The following RNF7 variants were observed in gnomAD, a reference collection of about 807,000 sequenced individuals.
RNF7 encodes ring finger protein 7.
RNF7 carries 9 observed loss-of-function variants against 17.0 expected under a neutral mutation model. That is an observed-to-expected ratio of 0.53 (90% CI 0.32 to 0.92). The LOEUF (loss-of-function observed/expected upper bound fraction) is 0.92, where lower values mean the gene tolerates loss of function less well. Among genes scored for constraint, RNF7 ranks in the 40% least tolerant of loss-of-function variants. The pLI is 0.04. For synonymous variants in RNF7, 59 were observed against 50.5 expected, an observed-to-expected ratio of 1.17 and a Z score of -0.72; for missense variants, 87 against 145.8, an observed-to-expected ratio of 0.60 and a Z score of 2.08.
At chr3:141,745,117 A>G (rs770363603) in intron 2 of RNF7, 42 bp from the exon 3 acceptor site, 3 of 1,317,654 alleles carry the variant, frequency 2.3e-6, no homozygotes, top group Non-Finnish European at 3.2e-6. Context: ...CAGTGTTTAA[A>G]TTGAAATATG....
chr3:141,738,608 G>A, intron 1 of RNF7, 92 bp downstream of exon 1: 1 of 1,339,384 alleles, frequency 7.5e-7, no homozygotes, highest in Non-Finnish European at 1.0e-6. Flanking sequence ...AGAAGCCTCG[G>A]AAAGTGCCCT....
At chr3:141,741,759 C>T (rs2084419415) in intron 1 of RNF7, among the ~76,000 whole-genome samples, 2 of 151,890 alleles carry the variant, frequency 1.3e-5, no homozygotes, top group South Asian at 4.2e-4. Flanking sequence ...ACACCTACTC[C>T]ACTATATTAG....
intron 1 of RNF7, among the ~76,000 whole-genome samples, chr3:141,739,239 C>T (rs927837345): frequency 6.6e-6 from 1 of 152,176 alleles, no homozygotes; most frequent in East Asian, 1.9e-4. Context: ...ACTTCACCTC[C>T]ATCACACCCC....
rs1340130033 is a variant in RNF7, at chr3:141,742,938, T to A, written c.176-571T>A. The A allele has an allele frequency of 3.9e-6, 4 of 1,023,888 alleles. No homozygotes were observed. In the East Asian group the frequency reaches 3.1e-4, roughly 80 times the overall value. The allele number at this position is 1,023,888 out of a possible 1,614,324, so 63.4% of individuals were successfully genotyped here. ...TATGGATGACTTTAAAAAACTTGTT[T>A]ATGAAGCAATTTTTTAATTTAATTT... On this transcript the variant is annotated intron_variant, in intron 1 of 2. Transcript: ENST00000273480.
Position 141,742,850 on chromosome 3 carries a change from T to G in RNF7, c.176-659T>G, listed in dbSNP as rs147146084. ...ATTTTAGAGGAACTCTCAAGTGTCT[T>G]AGGGTAGAAAGTAAAAAGTTGCTTC... On this transcript the variant is annotated intron_variant, in intron 1 of 2. Coordinates refer to ENST00000273480, the MANE Select transcript of RNF7 (RefSeq NM_014245.5). The G allele has an allele frequency of 7.9e-6, 9 of 1,133,124 alleles. No homozygotes were observed. In the African/African-American group the frequency reaches 1.5e-4, roughly 19 times the overall value. The allele number at this position is 1,133,124 out of a possible 1,614,324, so 70.2% of individuals were successfully genotyped here. A position where few individuals can be genotyped will look rare whatever the true frequency, so the allele number is the denominator to read the frequency against.
rs1053091675 is a variant in RNF7, at chr3:141,745,893, C to G, written c.*616C>G. 6.6e-6 allele frequency: 1 copy of G among 152,024 alleles called. No individual in the cohort carries two copies. Among genetic ancestry groups the G allele is most frequent in the Non-Finnish European group, 1.5e-5 (1 of 68,030 alleles). 9.4% of individuals were successfully genotyped at this position (152,024 alleles called of 1,614,324 possible). A position where few individuals can be genotyped will look rare whatever the true frequency, so the allele number is the denominator to read the frequency against. On this transcript the variant is annotated 3_prime_UTR_variant, in exon 3 of 3. Coordinates refer to ENST00000273480, the MANE Select transcript of RNF7 (RefSeq NM_014245.5). ...TGTATCATTGATTCATCAAGAAAACCTAGATCTGCACTCACCTCACTGTTC... is the reference window on the plus strand; with the variant it reads ...TGTATCATTGATTCATCAAGAAAACGTAGATCTGCACTCACCTCACTGTTC...
In RNF7 at chr3:141,738,523, G is replaced by A. The variant is rs764106232; in HGVS notation, c.175+7G>A. ...TGCAGGGTCCAGGTGATGGGTAAGC[G>A]CTGCACGCGAGTCCAGGGCCGCCCT... On this transcript the variant is annotated splice_region_variant and intron_variant, in intron 1 of 2. Coordinates refer to ENST00000273480, the MANE Select transcript of RNF7 (RefSeq NM_014245.5). The A allele has an allele frequency of 2.5e-6, 4 of 1,607,390 alleles. No individual in the cohort carries two copies. The highest frequency in any genetic ancestry group is 1.1e-5 in the South Asian group (1 of 90,408).
At position 141,746,958 on chromosome 3, in the gene RNF7, G is replaced by A. The variant is rs1203306774; in HGVS notation, c.*1681G>A. 6.6e-6 allele frequency: 1 copy of A among 152,094 alleles called. No individual in the cohort carries two copies. Among genetic ancestry groups the A allele is most frequent in the Non-Finnish European group, 1.5e-5 (1 of 68,032 alleles). The allele number at this position is 152,094 out of a possible 1,614,324, so 9.4% of individuals were successfully genotyped here. A position where few individuals can be genotyped will look rare whatever the true frequency, so the allele number is the denominator to read the frequency against. The stretch of plus-strand genomic sequence containing the variant: ...GAACTGTTTTAGTAACTTTCTGTTT[G>A]ACCTTTTTAGAAGGTTGCATCCTTA... On this transcript the variant is annotated 3_prime_UTR_variant, in exon 3 of 3. Transcript: ENST00000273480.
Position 141,743,570 on chromosome 3 carries a change from T to G in RNF7, c.223+14T>G, listed in dbSNP as rs2084442727. On this transcript the variant is annotated intron_variant, in intron 2 of 2. Coordinates refer to ENST00000273480, the MANE Select transcript of RNF7 (RefSeq NM_014245.5). ...AGGACTGTGTTGGTATGTTGTAATT[T>G]TGTTCTCTTGCTTTTTCAACTGAAG... 6.3e-7 allele frequency: 1 copy of G among 1,597,436 alleles called. No homozygotes were observed. The highest frequency in any genetic ancestry group is 8.5e-7 in the Non-Finnish European group (1 of 1,171,742).
intron 1 of RNF7, among the ~76,000 whole-genome samples, chr3:141,739,706 C>T (rs1420806362): frequency 1.3e-5 from 2 of 152,126 alleles, no homozygotes; most frequent in Admixed American, 6.5e-5. Context: ...TTCCTAAGGG[C>T]TTGTTTCAAA....
At chr3:141,742,223 C>CTTTT (rs1196270339) in intron 1 of RNF7, among the ~76,000 whole-genome samples, 15 of 109,464 alleles carry the variant, frequency 1.4e-4, no homozygotes, top group South Asian at 2.8e-4. Flanking sequence ...CAAGCATTTT[C>CTTTT]TTTTTTTTTT....
Position 141,744,755 on chromosome 3 carries a change from C to T in RNF7, c.224-404C>T, listed in dbSNP as rs971274862. 4.6e-5 allele frequency among the ~76,000 whole-genome samples: 7 copies of T among 152,314 alleles called. No homozygotes were observed. The South Asian group carries it at 1.0e-3, about 23-fold the overall frequency. ...CTGCATACTAAAAACATTTACAACT[C>T]ATTCTGTCTTGGTAAATAAAAATTG... is the stretch of plus-strand genomic sequence containing the variant. On this transcript the variant is annotated intron_variant, in intron 2 of 2. Transcript: ENST00000273480.
chr3:141,745,456 G>C lies in RNF7; in HGVS notation c.*179G>C, dbSNP rs909119072. The C allele has an allele frequency of 4.6e-6, 2 of 431,016 alleles. No individual in the cohort carries two copies. Among genetic ancestry groups the C allele is most frequent in the Non-Finnish European group, 8.6e-6 (2 of 232,736 alleles). The allele number at this position is 431,016 out of a possible 1,614,324, so 26.7% of individuals were successfully genotyped here. ...TAGCATTTTGTCAGTTTTATCTTCA[G>C]AAATTCTCTGCGATTAAGAAGATAA... On this transcript the variant is annotated 3_prime_UTR_variant, in exon 3 of 3. Transcript: ENST00000273480.
chr3:141,743,474 C>T, intron 1 of RNF7, 35 bp from the exon 2 acceptor site: 1 of 1,557,820 alleles, frequency 6.4e-7, no homozygotes, highest in Non-Finnish European at 8.8e-7. Context: ...GCATTCTGAG[C>T]ATCAGAATGA....
At chr3:141,738,943 G>A (rs1173558653) in intron 1 of RNF7, among the ~76,000 whole-genome samples, 2 of 152,232 alleles carry the variant, frequency 1.3e-5, no homozygotes, top group African/African-American at 2.4e-5. Context: ...TAAAGGCCGT[G>A]ATTCAGCAGT....
rs1387468357 is a variant in RNF7, at chr3:141,740,480, T to C, written c.175+1964T>C. On this transcript the variant is annotated intron_variant, in intron 1 of 2. Coordinates refer to ENST00000273480, the MANE Select transcript of RNF7 (RefSeq NM_014245.5). ...ACACATTTCATCATAAACTTTCTAA[T>C]TATAGCAAGTATTCTGCTACTACAG... 2.0e-5 allele frequency among the ~76,000 whole-genome samples: 3 copies of C among 152,208 alleles called. No individual in the cohort carries two copies. In the East Asian group the frequency reaches 5.8e-4, roughly 29 times the overall value.
chr3:141,738,712 C>G (rs945229477), intron 1 of RNF7, among the ~76,000 whole-genome samples, 196 bp downstream of exon 1: 11 of 152,188 alleles, frequency 7.2e-5, no homozygotes, highest in South Asian at 6.2e-4. Context: ...CGGCCGCCGC[C>G]TGGGGCTGCG....
At position 141,745,329 on chromosome 3, in the gene RNF7, G is replaced by A; in HGVS notation, c.*52G>A. The A allele has an allele frequency of 8.4e-7, 1 of 1,192,282 alleles. No individual in the cohort carries two copies. The highest frequency in any genetic ancestry group is 2.4e-5 in the East Asian group (1 of 42,378). The allele number at this position is 1,192,282 out of a possible 1,614,324, so 73.9% of individuals were successfully genotyped here. ...GTTGTTCAGAGCCCTGGTGGATCTTGTAATCCAGTGCCCTACAAAGGCTAG... is the reference window on the plus strand; with the variant it reads ...GTTGTTCAGAGCCCTGGTGGATCTTATAATCCAGTGCCCTACAAAGGCTAG... On this transcript the variant is annotated 3_prime_UTR_variant, in exon 3 of 3. Coordinates refer to ENST00000273480, the MANE Select transcript of RNF7 (RefSeq NM_014245.5).
chr3:141,745,827 T>A lies in RNF7; in HGVS notation c.*550T>A, dbSNP rs1054854864. ...GAACAGGGTAAATAAAATTTAACTT[T>A]TGAGCATATGGAATTTTGATTGCCT... On this transcript the variant is annotated 3_prime_UTR_variant, in exon 3 of 3. Transcript: ENST00000273480. 1.3e-5 allele frequency: 2 copies of A among 152,250 alleles called. No individual in the cohort carries two copies. The highest frequency in any genetic ancestry group is 4.8e-5 in the African/African-American group (2 of 41,446). The allele number at this position is 152,250 out of a possible 1,614,324, so 9.4% of individuals were successfully genotyped here.
Sources: gnomAD v4.1 joint callset for allele counts (sites outside exome capture counted in the v4.1 genomes callset) on GRCh38, gnomAD v4.1.1 for gene constraint, MANE v1.5 for transcripts, NCBI Gene and HGNC (gene_info 2026-07-23, HGNC 2026-07-21) for gene names.